ICE1: variants seen among roughly 807,000 people sequenced by gnomAD.
ICE1 encodes little elongation complex subunit 1.
Under a neutral mutation model 192.7 loss-of-function variants are expected in ICE1, and 64 were observed. The ratio of observed to expected loss-of-function variants is 0.33; its 90% CI spans 0.27 to 0.41. ICE1 has a LOEUF of 0.41. ICE1 is among the 10% of genes least tolerant of loss of function. ICE1 has a pLI of 1.00. For synonymous variants in ICE1, 1,010 were observed against 984.5 expected (o/e 1.03, Z -0.49); for missense variants, 2,708 against 2,696.0 (o/e 1.00, Z -0.10).
At chr5:5,440,904 A>G (rs538950542) in intron 4 of ICE1, among the ~76,000 whole-genome samples, 1 of 152,086 alleles carries the variant, frequency 6.6e-6, no homozygotes, top group South Asian at 2.1e-4. Flanking sequence ...CTGACTAACA[A>G]AAAGAAAGAA....
At position 5,489,546 on chromosome 5, in the gene ICE1, G is replaced by A. The variant is rs1739731773; in HGVS notation, c.*216G>A. On this transcript the variant is annotated 3_prime_UTR_variant, in exon 19 of 19. Coordinates refer to ENST00000296564, the MANE Select transcript of ICE1 (RefSeq NM_015325.3). The stretch of plus-strand genomic sequence containing the variant: ...AATCTAATACGTTTCACTTAAGGCT[G>A]TTGTGATCTGTGACATATGGGTTAT... 2.2e-6 allele frequency: 1 copy of A among 451,240 alleles called. No individual in the cohort carries two copies. Among genetic ancestry groups the A allele is most frequent in the East Asian group, 3.6e-5 (1 of 27,884 alleles). 28.0% of individuals were successfully genotyped at this position (451,240 alleles called of 1,614,324 possible). A position where few individuals can be genotyped will look rare whatever the true frequency, so the allele number is the denominator to read the frequency against.
chr5:5,478,048 C>G (rs1739369609), intron 17 of ICE1, among the ~76,000 whole-genome samples: 1 of 152,154 alleles, frequency 6.6e-6, no homozygotes, highest in African/African-American at 2.4e-5. Flanking sequence ...GGAAGCATTC[C>G]CTTTGAAAAC....
Position 5,435,576 on chromosome 5 carries a change from A to G in ICE1, c.85-842A>G, listed in dbSNP as rs2964161. On this transcript the variant is annotated intron_variant, in intron 1 of 18. Coordinates refer to ENST00000296564, the MANE Select transcript of ICE1 (RefSeq NM_015325.3). ...GAAAAGAAAAAATTAGCTCATTTTA[A>G]AATCTTAGGAACATTTCAACAGTGT... Among the ~76,000 whole-genome samples, 616 of 152,220 alleles carry G rather than the reference A, an allele frequency of 4.0e-3. 3 individuals carry two copies. The highest frequency in any genetic ancestry group is 0.014 in the African/African-American group (592 of 41,540).
chr5:5,422,982 T>C lies in ICE1; in HGVS notation c.67T>C (p.Cys23Arg). The C allele has an allele frequency of 6.9e-7, 1 of 1,448,722 alleles. No homozygotes were observed. 89.7% of individuals were successfully genotyped at this position (1,448,722 alleles called of 1,614,324 possible). A position where few individuals can be genotyped will look rare whatever the true frequency, so the allele number is the denominator to read the frequency against. ...GGCGGACCTGTCGCGATGTCAGGGC[T>C]GCGCCTCTCTGCAGCAGGTGCAGCA... ...TAADLSRCQG[C>R]ASLQQNLNEY... is the part of the protein sequence containing the mutation. Residue 23 changes from cysteine (C) to arginine (R), a missense_variant, in exon 1 of 19, where the codon TGC becomes CGC. This residue lies in a region of ICE1 where 2,366 missense variants were observed against 2,276.6 expected (regional missense o/e 1.04). Coordinates refer to ENST00000296564, the MANE Select transcript of ICE1 (RefSeq NM_015325.3).
chr5:5,449,854 G>A (rs1473179653), intron 10 of ICE1, among the ~76,000 whole-genome samples: 1 of 152,214 alleles, frequency 6.6e-6, no homozygotes, highest in South Asian at 2.1e-4. Context: ...GGTAATTATG[G>A]CCACTTTAAG....
intron 17 of ICE1, among the ~76,000 whole-genome samples, chr5:5,477,047 CTTTATT>C (rs140690800): frequency 0.039 from 5,943 of 152,074 alleles, 348 homozygotes; most frequent in East Asian, 0.28. Flanking sequence ...TCCTATGAAT[CTTTATT>C]TTTATTTTTA....
In ICE1 at chr5:5,435,659, T is replaced by TG. The variant is rs1561074224; in HGVS notation, c.85-759_85-758insG. On this transcript the variant is annotated intron_variant, in intron 1 of 18. Coordinates refer to ENST00000296564, the MANE Select transcript of ICE1 (RefSeq NM_015325.3). ...CGGTAATTTAGAGCCAAATTTGTGT[T>TG]TTTTTTTTTTTTTGTTTTGTTTTTG... Among the ~76,000 whole-genome samples the TG allele has an allele frequency of 8.0e-5, 10 of 124,382 alleles. No individual in the cohort carries two copies. In the South Asian group the frequency reaches 2.5e-3, roughly 31 times the overall value. The allele number at this position is 124,382 out of a possible 152,430, so 81.6% of individuals were successfully genotyped here.
rs1411811622 is a variant in ICE1, at chr5:5,473,556, A to G, written c.6223-2A>G. 1 of 1,602,290 alleles carries G rather than the reference A, an allele frequency of 6.2e-7. No individual in the cohort carries two copies. On this transcript the variant is annotated splice_acceptor_variant, in intron 15 of 18. Transcript: ENST00000296564. LOFTEE classifies it high-confidence loss of function. ...TTTATTTTATTTCTTTTCATTTGCT[A>G]GAATGCCCCGGTAGATGTTGGCTTC... is the stretch of plus-strand genomic sequence containing the variant.
chr5:5,448,301 T>C (rs1012834088), intron 10 of ICE1, among the ~76,000 whole-genome samples: 10 of 152,172 alleles, frequency 6.6e-5, no homozygotes, highest in African/African-American at 2.2e-4. Flanking sequence ...GTATATTATA[T>C]AGTAAAGCCC....
chr5:5,460,972 T>C lies in ICE1; in HGVS notation c.1638T>C (p.Ser546=), dbSNP rs1738755862. Residue 546 remains serine (S), a synonymous_variant, in exon 13 of 19, where the codon TCT becomes TCC. Transcript: ENST00000296564. The stretch of plus-strand genomic sequence containing the variant: ...GGCCATTAAATGAACTCATGGAATC[T>C]GAAGGAAAAACCGTATTGTCTAAAA... ...GKRPLNELME[S]EGKTVLSKMM... 1 of 1,613,922 alleles carries C rather than the reference T, an allele frequency of 6.2e-7. No individual in the cohort carries two copies. The highest frequency in any genetic ancestry group is 1.3e-5 in the African/African-American group (1 of 74,936).
rs765040533 is a variant in ICE1 at position 5,462,579 on chromosome 5, C to T, written c.3245C>T (p.Thr1082Ile). Residue 1082 changes from threonine (T) to isoleucine (I), a missense_variant, in exon 13 of 19, where the codon ACA (threonine) becomes ATA (isoleucine). Coordinates refer to ENST00000296564, the MANE Select transcript of ICE1 (RefSeq NM_015325.3). ...GCATTTTGCAGAAAACATGGAGAGA[C>T]ACAGGATACCTCCCAAAGTAGCCTG... ...SSAFCRKHGETQDTSQSSLPG... is the reference protein window; with the variant it reads ...SSAFCRKHGEIQDTSQSSLPG... The T allele has an allele frequency of 6.2e-7, 1 of 1,613,958 alleles. No homozygotes were observed. Among genetic ancestry groups the T allele is most frequent in the South Asian group, 1.1e-5 (1 of 91,078 alleles).
chr5:5,468,397 T>C (rs1025758329), intron 14 of ICE1, among the ~76,000 whole-genome samples: 1 of 152,120 alleles, frequency 6.6e-6, no homozygotes, highest in Non-Finnish European at 1.5e-5. Flanking sequence ...GTCTGTAGAC[T>C]ACACTTCAAT....
At chr5:5,455,675 T>C (rs1561084456) in intron 11 of ICE1, among the ~76,000 whole-genome samples, 1 of 152,246 alleles carries the variant, frequency 6.6e-6, no homozygotes, top group Non-Finnish European at 1.5e-5. Context: ...AATCTTATTA[T>C]ACCATAAGAC....
At chr5:5,451,561 A>G (rs1047928397) in intron 10 of ICE1, among the ~76,000 whole-genome samples, 1 of 152,310 alleles carries the variant, frequency 6.6e-6, no homozygotes. Flanking sequence ...TTCATAATTC[A>G]CAAGTTCATA....
intron 1 of ICE1, among the ~76,000 whole-genome samples, chr5:5,435,678 GT>G (rs796599483): frequency 4.3e-5 from 5 of 116,730 alleles, no homozygotes; most frequent in African/African-American, 1.6e-4. Context: ...TTTTTGTTTT[GT>G]TTTTGTTTTT....
chr5:5,447,378 A>C, intron 7 of ICE1, 49 bp from the exon 8 acceptor site: 1 of 1,136,570 alleles, frequency 8.8e-7, no homozygotes, highest in Non-Finnish European at 1.3e-6. Context: ...CCACAGTAGT[A>C]AAGTTAGTAA....
intron 10 of ICE1, 60 bp downstream of exon 10, chr5:5,447,957 T>TG: frequency 7.6e-7 from 1 of 1,309,624 alleles, no homozygotes. Context: ...GTTGTGAGAC[T>TG]GTGTTTTGCT....
At chr5:5,479,180 A>G (rs1254308379) in intron 17 of ICE1, among the ~76,000 whole-genome samples, 1 of 152,168 alleles carries the variant, frequency 6.6e-6, no homozygotes, top group African/African-American at 2.4e-5. Context: ...AATGGGAGAA[A>G]TTTTTTGCAA....
intron 15 of ICE1, among the ~76,000 whole-genome samples, chr5:5,469,430 G>A (rs570285903): frequency 9.2e-5 from 14 of 152,038 alleles, no homozygotes; most frequent in African/African-American, 2.4e-4. Context: ...GTTTGTTCCC[G>A]TGTTATCTTT....
Sources: gnomAD v4.1 joint callset for allele counts (sites outside exome capture counted in the v4.1 genomes callset) on GRCh38, gnomAD v4.1.1 for gene constraint, gnomAD v4.1.1 regional missense constraint, MANE v1.5 for transcripts, NCBI Gene and HGNC (gene_info 2026-07-23, HGNC 2026-07-21) for gene names.